Variants in MGA observed in about 807,000 individuals in gnomAD.
The protein encoded by MGA is MAX gene-associated protein.
A neutral mutation model predicts 261.1 loss-of-function variants in MGA; 40 were observed. The ratio of observed to expected loss-of-function variants is 0.15; its 90% CI spans 0.12 to 0.20. MGA has a LOEUF of 0.20. Ranked by LOEUF, MGA falls within the 10% of genes least tolerant of loss-of-function variation. The probability of loss-of-function intolerance (pLI) is 1.00; values close to 1 mark genes in which losing one functional copy is unlikely to be tolerated. For missense variants in MGA, 3,397 were observed against 3,630.5 expected (o/e 0.94, Z 1.65); for synonymous variants, 1,302 against 1,290.6 (o/e 1.01, Z -0.19).
chr15:41,744,365 A>G (rs990395504), intron 15 of MGA, among the ~76,000 whole-genome samples: 14 of 152,028 alleles, frequency 9.2e-5, no homozygotes, highest in African/African-American at 3.4e-4. Context: ...CACCACGTCC[A>G]GCTAATTTTT....
chr15:41,733,500 G>A lies in MGA; in HGVS notation c.3844-1022G>A, dbSNP rs529786929. Among the ~76,000 whole-genome samples the A allele has an allele frequency of 4.6e-5, 7 of 152,318 alleles. No individual in the cohort carries two copies. In the South Asian group the frequency reaches 1.5e-3, roughly 32 times the overall value. On this transcript the variant is annotated intron_variant, in intron 11 of 23. Transcript: ENST00000219905. ...CTTCCCTTTCCATGGTTCAGCTGAT[G>A]GCTGGGGGCTCCACCTTCGCTTGTA...
At chr15:41,663,151 A>G (rs762158747) in intron 1 of MGA, among the ~76,000 whole-genome samples, 2 of 152,310 alleles carry the variant, frequency 1.3e-5, no homozygotes, top group African/African-American at 2.4e-5. Context: ...AATTGTAACA[A>G]TTTATGGAAC....
intron 1 of MGA, among the ~76,000 whole-genome samples, chr15:41,665,994 C>T (rs2057714706): frequency 6.6e-6 from 1 of 151,570 alleles, no homozygotes; most frequent in Non-Finnish European, 1.5e-5. Context: ...TGGCTCACTG[C>T]AACCTGAACT....
intron 1 of MGA, among the ~76,000 whole-genome samples, chr15:41,636,587 G>T (rs1270091698): frequency 6.6e-6 from 1 of 151,296 alleles, no homozygotes; most frequent in Non-Finnish European, 1.5e-5. Flanking sequence ...TTTTTTGTGT[G>T]TGTTTTTAGT....
At chr15:41,681,399 GTT>G (rs397967721) in intron 2 of MGA, among the ~76,000 whole-genome samples, 1 of 136,166 alleles carries the variant, frequency 7.3e-6, no homozygotes, top group African/African-American at 2.7e-5. Context: ...AGTATACTCT[GTT>G]TTTTTTTTTT....
intron 1 of MGA, among the ~76,000 whole-genome samples, chr15:41,667,952 C>T (rs549400511): frequency 1.3e-5 from 2 of 151,986 alleles, no homozygotes; most frequent in South Asian, 4.2e-4. Flanking sequence ...TACAGGCGTG[C>T]ACCACCACAC....
intron 14 of MGA, among the ~76,000 whole-genome samples, chr15:41,742,178 G>A (rs563156880): frequency 4.0e-5 from 6 of 151,188 alleles, no homozygotes; most frequent in East Asian, 2.0e-4. Context: ...ACCTGATGTC[G>A]GGAGTTCAAG....
chr15:41,713,802 A>G (rs1223949550), intron 9 of MGA, among the ~76,000 whole-genome samples: 2 of 152,104 alleles, frequency 1.3e-5, no homozygotes, highest in Non-Finnish European at 2.9e-5. Context: ...GCGCATGTGC[A>G]CACACACACA....
rs987609099 is a variant in MGA, at chr15:41,720,141, A to G, written c.3430+6645A>G. 2.0e-5 allele frequency among the ~76,000 whole-genome samples: 3 copies of G among 152,316 alleles called. No homozygotes were observed. The East Asian group carries it at 5.8e-4, about 29-fold the overall frequency. On this transcript the variant is annotated intron_variant, in intron 9 of 23. Transcript: ENST00000219905. ...CAGGTCAATCTTGAAGAACAGTGGC[A>G]GAATGGAAGGATTTTATTGTATGTC...
chr15:41,665,392 GT>G (rs879783261), intron 1 of MGA, among the ~76,000 whole-genome samples: 97 of 144,488 alleles, frequency 6.7e-4, no homozygotes, highest in East Asian at 6.0e-4. Flanking sequence ...TTTCGTTTTG[GT>G]TTTTTTTTTT....
At chr15:41,645,398 C>G (rs1337536188) in intron 1 of MGA, among the ~76,000 whole-genome samples, 1 of 152,186 alleles carries the variant, frequency 6.6e-6, no homozygotes, top group African/African-American at 2.4e-5. Context: ...ACCAGCCTGG[C>G]CCATGTGGTG....
chr15:41,649,434 G>T (rs562095854), intron 1 of MGA, among the ~76,000 whole-genome samples: 6 of 151,468 alleles, frequency 4.0e-5, no homozygotes, highest in African/African-American at 1.5e-4. Context: ...GGATGAACAG[G>T]AGAGAGAAGA....
intron 5 of MGA, among the ~76,000 whole-genome samples, chr15:41,706,052 T>C (rs901490015): frequency 6.6e-6 from 1 of 151,838 alleles, no homozygotes; most frequent in East Asian, 1.9e-4. Flanking sequence ...GCCTGACCAA[T>C]ATGGTGAAAC....
chr15:41,650,473 C>T (rs2057019823), intron 1 of MGA, among the ~76,000 whole-genome samples: 1 of 151,830 alleles, frequency 6.6e-6, no homozygotes, highest in Admixed American at 6.6e-5. Context: ...AGTCTCATTC[C>T]ATCACCCAGG....
At chr15:41,674,243 C>A (rs1013887427) in intron 2 of MGA, among the ~76,000 whole-genome samples, 31 of 152,072 alleles carry the variant, frequency 2.0e-4, no homozygotes, top group African/African-American at 7.2e-4. Context: ...ATTGCCTCAG[C>A]TGGAATATAG....
chr15:41,624,542 C>G (rs1286546824), intron 1 of MGA, among the ~76,000 whole-genome samples: 4 of 152,134 alleles, frequency 2.6e-5, no homozygotes, highest in Non-Finnish European at 5.9e-5. Context: ...ACTATATTGG[C>G]CAGGCTGGTC....
chr15:41,740,227 T>G (rs1247759261), intron 14 of MGA, 24 bp downstream of exon 14: 1 of 1,610,640 alleles, frequency 6.2e-7, no homozygotes, highest in African/African-American at 1.3e-5. Flanking sequence ...TATGTATGGT[T>G]TGGAAAGGCC....
chr15:41,656,379 A>ACACACACC (rs71737746), upstream of MGA, among the ~76,000 whole-genome samples: 15 of 30,920 alleles, frequency 4.9e-4, no homozygotes, highest in African/African-American at 9.4e-4. Context: ...TCTCTCTCTC[A>ACACACACC]CACCCAGGCT....
intron 2 of MGA, among the ~76,000 whole-genome samples, chr15:41,677,658 G>A (rs1163109401): frequency 1.3e-5 from 2 of 152,100 alleles, no homozygotes; most frequent in African/African-American, 2.4e-5. Flanking sequence ...GGGATAGCTC[G>A]TTGTTTTTAA....
Sources: gnomAD v4.1 joint callset for allele counts (sites outside exome capture counted in the v4.1 genomes callset) on GRCh38, gnomAD v4.1.1 for gene constraint, MANE v1.5 for transcripts, NCBI Gene and HGNC (gene_info 2026-07-23, HGNC 2026-07-21) for gene names.